Variants in ABCC9 observed in about 807,000 individuals in gnomAD.
ABCC9 encodes ATP-binding cassette sub-family C member 9.
In ABCC9, 95 loss-of-function variants were observed where a neutral mutation model predicts 188.3. The ratio of observed to expected loss-of-function variants is 0.50; its 90% CI spans 0.43 to 0.60. The LOEUF (loss-of-function observed/expected upper bound fraction) is 0.60, where lower values mean the gene tolerates loss of function less well. Ranked by LOEUF, ABCC9 falls within the 20% of genes least tolerant of loss-of-function variation. The pLI is 0.00. For synonymous variants in ABCC9, 659 were observed against 652.7 expected, an observed-to-expected ratio of 1.01 and a Z score of -0.15; for missense variants, 1,102 against 1,876.3, an observed-to-expected ratio of 0.59 and a Z score of 7.62.
intron 38 of ABCC9, among the ~76,000 whole-genome samples, chr12:21,806,506 A>G (rs1049654441): frequency 1.3e-5 from 2 of 152,180 alleles, no homozygotes; most frequent in African/African-American, 4.8e-5. Flanking sequence ...TTTTATCTCC[A>G]CCACAAAGCA....
intron 4 of ABCC9, among the ~76,000 whole-genome samples, chr12:21,933,336 A>G (rs1197610912): frequency 2.6e-5 from 4 of 152,076 alleles, no homozygotes; most frequent in Admixed American, 2.6e-4. Context: ...ACTCAAGTTT[A>G]CCTGCATAAT....
chr12:21,915,514 A>ATATATATATATTTTTTTTTT lies in ABCC9; in HGVS notation c.816+153_816+154insAAAAAAAAAATATATATATA. On this transcript the variant is annotated intron_variant, in intron 7 of 39. Transcript: ENST00000261200. ...TGTGTGTGTGTGTATATATATATATATTTTTTTTTTTTTTTTGAGACAGAG... is the reference window on the plus strand; with the variant it reads ...TGTGTGTGTGTGTATATATATATATATATATATATATTTTTTTTTTTTTTTTTTTTTTTTTTGAGACAGAG... 5.7e-4 allele frequency among the ~76,000 whole-genome samples: 2 copies of ATATATATATATTTTTTTTTT among 3,520 alleles called. 1 individual carries two copies. Among genetic ancestry groups the ATATATATATATTTTTTTTTT allele is most frequent in the Non-Finnish European group, 9.3e-4 (2 of 2,144 alleles). 2.3% of individuals were successfully genotyped at this position (3,520 alleles called of 152,430 possible).
At chr12:21,888,886 T>C (rs1355144391) in intron 14 of ABCC9, among the ~76,000 whole-genome samples, 1 of 139,918 alleles carries the variant, frequency 7.1e-6, no homozygotes, top group Non-Finnish European at 1.5e-5. Context: ...GAAGTGCTCC[T>C]TTTGGCAAGC....
At chr12:21,928,803 G>T (rs1949153966) in intron 4 of ABCC9, among the ~76,000 whole-genome samples, 1 of 152,058 alleles carries the variant, frequency 6.6e-6, no homozygotes, top group African/African-American at 2.4e-5. Flanking sequence ...TTATAGGATT[G>T]CTGTTATTTT....
intron 25 of ABCC9, 63 bp from the exon 26 acceptor site, chr12:21,845,895 C>T (rs1944640252): frequency 8.6e-7 from 1 of 1,166,604 alleles, no homozygotes; most frequent in South Asian, 1.3e-5. Flanking sequence ...ATTTTTATTG[C>T]TCCACAAATA....
At chr12:21,927,834 A>T (rs1949101855) in intron 4 of ABCC9, among the ~76,000 whole-genome samples, 2 of 152,220 alleles carry the variant, frequency 1.3e-5, no homozygotes, top group African/African-American at 2.4e-5. Flanking sequence ...CCTCCTGTAA[A>T]TAGATCAAAA....
chr12:21,851,882 C>T (rs1359361458), intron 24 of ABCC9, among the ~76,000 whole-genome samples: 4 of 149,242 alleles, frequency 2.7e-5, no homozygotes, highest in Admixed American at 1.4e-4. Context: ...AAAAACCTGA[C>T]TGCACCTCAT....
chr12:21,848,547 A>C (rs1944804234), intron 24 of ABCC9, among the ~76,000 whole-genome samples: 1 of 152,170 alleles, frequency 6.6e-6, no homozygotes, highest in South Asian at 2.1e-4. Context: ...GCATATTTCT[A>C]CCATTGCTAC....
intron 16 of ABCC9, among the ~76,000 whole-genome samples, chr12:21,877,081 G>A (rs1946393163): frequency 6.6e-6 from 1 of 152,172 alleles, no homozygotes; most frequent in Admixed American, 6.6e-5. Flanking sequence ...AAATATGGCT[G>A]ATCATCCTCA....
At chr12:21,930,969 A>G (rs1424323677) in intron 4 of ABCC9, among the ~76,000 whole-genome samples, 1 of 152,184 alleles carries the variant, frequency 6.6e-6, no homozygotes, top group Non-Finnish European at 1.5e-5. Context: ...AAACTGCTCT[A>G]GAAAAATTAG....
chr12:21,828,530 A>C, intron 31 of ABCC9: 2 of 261,954 alleles, frequency 7.6e-6, no homozygotes, highest in Non-Finnish European at 1.5e-5. Context: ...CAGATGATTA[A>C]CTGTAGTTTT....
At chr12:21,930,921 A>T (rs1258558745) in intron 4 of ABCC9, among the ~76,000 whole-genome samples, 1 of 152,126 alleles carries the variant, frequency 6.6e-6, no homozygotes, top group Non-Finnish European at 1.5e-5. Context: ...GTATATAGGG[A>T]ATCTCTCTAT....
chr12:21,807,828 C>T (rs1430408149), intron 37 of ABCC9, among the ~76,000 whole-genome samples: 1 of 152,110 alleles, frequency 6.6e-6, no homozygotes, highest in African/African-American at 2.4e-5. Context: ...ATGGCTTGCC[C>T]AAAGTCACAT....
intron 12 of ABCC9, among the ~76,000 whole-genome samples, chr12:21,897,138 A>C (rs771434539): frequency 5.3e-5 from 8 of 152,042 alleles, no homozygotes; most frequent in Non-Finnish European, 1.2e-4. Context: ...ATGGTGTCTC[A>C]TTGTGGTTTT....
chr12:21,892,653 G>GA (rs1037768870), intron 14 of ABCC9, among the ~76,000 whole-genome samples: 4 of 152,164 alleles, frequency 2.6e-5, no homozygotes, highest in Non-Finnish European at 5.9e-5. Context: ...GGTTGTTAAT[G>GA]AATGTCTCAG....
intron 39 of ABCC9, among the ~76,000 whole-genome samples, chr12:21,802,917 G>A (rs1280023296): frequency 6.6e-6 from 1 of 152,116 alleles, no homozygotes; most frequent in Non-Finnish European, 1.5e-5. Context: ...GACTCATGAC[G>A]TGAGGGGAAA....
chr12:21,870,762 T>G (rs1946031277), intron 18 of ABCC9, among the ~76,000 whole-genome samples: 1 of 145,548 alleles, frequency 6.9e-6, no homozygotes, highest in Admixed American at 6.8e-5. Context: ...TTTAAAAATT[T>G]TCTTTATCTT....
chr12:21,933,853 C>T lies in ABCC9; in HGVS notation c.213G>A (p.Leu71=), dbSNP rs2138060915. The change falls in exon 4 of 40, where the codon CTG becomes CTA. Residue 71 remains leucine, a synonymous_variant. Coordinates refer to ENST00000261200, the MANE Select transcript of ABCC9 (RefSeq NM_020297.4). ...NTWLHFPGHN[L]RWILTFALLF... is the part of the protein sequence containing the mutation. ...GGAGAGCGAATGTAAGAATCCATCT[C>T]AGGTTATGTCCCGGAAAATGAAGCC... 1 of 1,613,678 alleles carries T rather than the reference C, an allele frequency of 6.2e-7. No homozygotes were observed. The highest frequency in any genetic ancestry group is 8.5e-7 in the Non-Finnish European group (1 of 1,179,704).
intron 4 of ABCC9, among the ~76,000 whole-genome samples, chr12:21,926,939 A>G (rs1949068286): frequency 6.6e-6 from 1 of 152,196 alleles, no homozygotes; most frequent in African/African-American, 2.4e-5. Context: ...GCTTTTCTCA[A>G]ATTACTTGAA....
Sources: allele counts gnomAD v4.1 joint callset (sites outside exome capture counted in the v4.1 genomes callset), GRCh38; gene constraint gnomAD v4.1.1; transcripts MANE v1.5; gene names NCBI Gene and HGNC (gene_info 2026-07-23, HGNC 2026-07-21).